MAN2A1: variants seen among roughly 807,000 people sequenced by gnomAD.
The protein encoded by MAN2A1 is mannosidase alpha class 2A member 1, also known as alpha-mannosidase 2.
MAN2A1 carries 76 observed loss-of-function variants against 142.6 expected under a neutral mutation model. The ratio of observed to expected loss-of-function variants is 0.53; its 90% confidence interval spans 0.44 to 0.65. MAN2A1 has a LOEUF of 0.65. MAN2A1 is among the 30% of genes least tolerant of loss of function. The pLI, the probability that MAN2A1 is intolerant of heterozygous loss-of-function variation, is 0.00. For synonymous variants in MAN2A1, 559 were observed against 473.2 expected (o/e 1.18, Z -2.35); for missense variants, 1,311 against 1,365.1 (o/e 0.96, Z 0.62).
intron 16 of MAN2A1, among the ~76,000 whole-genome samples, chr5:109,826,480 C>T (rs780054382): frequency 2.2e-4 from 34 of 152,156 alleles, no homozygotes; most frequent in Non-Finnish European, 4.4e-4. Context: ...ACCAGAATCA[C>T]CTGAAATGCT....
intron 3 of MAN2A1, among the ~76,000 whole-genome samples, chr5:109,725,092 A>C (rs1185505748): frequency 1.3e-5 from 2 of 152,166 alleles, no homozygotes; most frequent in Non-Finnish European, 2.9e-5. Context: ...CCTGCTTCTA[A>C]AATTTGCAGG....
chr5:109,730,983 G>A (rs1751888925), intron 4 of MAN2A1, among the ~76,000 whole-genome samples: 1 of 152,028 alleles, frequency 6.6e-6, no homozygotes, highest in Non-Finnish European at 1.5e-5. Context: ...TTGTTTCATG[G>A]ACTTTTCTGT....
At chr5:109,748,543 C>T (rs1427843742) in intron 4 of MAN2A1, among the ~76,000 whole-genome samples, 1 of 152,048 alleles carries the variant, frequency 6.6e-6, no homozygotes, top group African/African-American at 2.4e-5. Flanking sequence ...AGATAGTAGA[C>T]ATACAAATAT....
At chr5:109,744,493 G>A (rs1456969322) in intron 4 of MAN2A1, among the ~76,000 whole-genome samples, 2 of 152,016 alleles carry the variant, frequency 1.3e-5, no homozygotes, top group Non-Finnish European at 2.9e-5. Flanking sequence ...GGGGAGGGTG[G>A]GCAGCGAGGG....
At chr5:109,840,405 C>T (rs1223700924) in intron 16 of MAN2A1, 2 of 411,046 alleles carry the variant, frequency 4.9e-6, no homozygotes, top group South Asian at 2.1e-5. Context: ...GTAATGATTC[C>T]TCCTACAGGT....
intron 5 of MAN2A1, among the ~76,000 whole-genome samples, chr5:109,763,992 G>A (rs1004304072): frequency 6.6e-6 from 1 of 151,730 alleles, no homozygotes; most frequent in African/African-American, 2.4e-5. Flanking sequence ...ATAGAGACAG[G>A]GTTTTACCAT....
At chr5:109,781,737 G>T (rs184544087) in intron 9 of MAN2A1, 139 bp downstream of exon 9, 60 of 459,286 alleles carry the variant, frequency 1.3e-4, no homozygotes, top group Admixed American at 3.0e-4. Flanking sequence ...TAGTGTAATT[G>T]TGAAATTTTA....
rs138693939 is a variant in MAN2A1 at position 109,816,212 on chromosome 5, C to T, written c.1944-1061C>T. On this transcript the variant is annotated intron_variant, in intron 12 of 21. Transcript: ENST00000261483. The stretch of plus-strand genomic sequence containing the variant: ...GAGAGGATTTTAGGAAAAATAAAGT[C>T]CTTAAATATTTTTTCAAATATAGTT... 1.7e-3 allele frequency among the ~76,000 whole-genome samples: 265 copies of T among 152,066 alleles called. 1 individual carries two copies. The highest frequency in any genetic ancestry group is 0.014 in the Middle Eastern group (4 of 294).
chr5:109,846,996 G>A (rs1755359713), intron 18 of MAN2A1, among the ~76,000 whole-genome samples: 1 of 126,370 alleles, frequency 7.9e-6, no homozygotes. Flanking sequence ...GCCCAGTGTT[G>A]CTAAATTCAA....
At chr5:109,772,758 C>T (rs998176225) in intron 7 of MAN2A1, among the ~76,000 whole-genome samples, 1 of 152,136 alleles carries the variant, frequency 6.6e-6, no homozygotes, top group Admixed American at 6.5e-5. Context: ...GATCCTCCTG[C>T]CTCGCCCTCC....
intron 15 of MAN2A1, among the ~76,000 whole-genome samples, chr5:109,822,679 A>C (rs933231637): frequency 6.6e-6 from 1 of 152,050 alleles, no homozygotes; most frequent in African/African-American, 2.4e-5. Flanking sequence ...TTCTGAAAAA[A>C]AAATTTTTTT....
intron 20 of MAN2A1, chr5:109,864,343 A>C (rs1304060132): frequency 6.6e-6 from 1 of 152,246 alleles, no homozygotes; most frequent in Non-Finnish European, 1.5e-5. Flanking sequence ...AATGGATATG[A>C]GAAATTTTAT....
At chr5:109,762,716 G>A (rs1412086815) in intron 5 of MAN2A1, among the ~76,000 whole-genome samples, 1 of 152,136 alleles carries the variant, frequency 6.6e-6, no homozygotes, top group East Asian at 1.9e-4. Flanking sequence ...CTTAGCATGT[G>A]ATATGAGGTA....
In MAN2A1 at chr5:109,771,356, C is replaced by G. The variant is rs991603047; in HGVS notation, c.1196+815C>G. On this transcript the variant is annotated intron_variant, in intron 7 of 21. Transcript: ENST00000261483. ...ATCAGTTTATTTTCAAAAGAGAAGT[C>G]ACTTAAAAAAAAGTGTGTGAGGAAG... 2.0e-5 allele frequency among the ~76,000 whole-genome samples: 3 copies of G among 151,908 alleles called. No homozygotes were observed. In the East Asian group the frequency reaches 5.8e-4, roughly 29 times the overall value.
intron 8 of MAN2A1, among the ~76,000 whole-genome samples, chr5:109,780,300 C>T (rs1048459981): frequency 1.3e-5 from 2 of 152,020 alleles, no homozygotes; most frequent in African/African-American, 4.8e-5. Context: ...ACCTCATGAT[C>T]CACCCGCCTC....
chr5:109,821,630 A>G (rs1754626031), intron 15 of MAN2A1, among the ~76,000 whole-genome samples: 1 of 152,156 alleles, frequency 6.6e-6, no homozygotes, highest in South Asian at 2.1e-4. Flanking sequence ...AAGTTAGTAG[A>G]AAAATATTTT....
At chr5:109,818,403 C>T (rs1397642471) in intron 13 of MAN2A1, among the ~76,000 whole-genome samples, 1 of 152,032 alleles carries the variant, frequency 6.6e-6, no homozygotes, top group Non-Finnish European at 1.5e-5. Flanking sequence ...CTTAAATATG[C>T]ATCATCTTTT....
chr5:109,804,061 C>T (rs967483459), intron 12 of MAN2A1: 23 of 499,142 alleles, frequency 4.6e-5, no homozygotes, highest in African/African-American at 6.3e-5. Context: ...TAATTATTAA[C>T]CCAAAGCAGT....
At chr5:109,854,035 A>G (rs912496045) in intron 19 of MAN2A1, 1 of 152,126 alleles carries the variant, frequency 6.6e-6, no homozygotes, top group Non-Finnish European at 1.5e-5. Flanking sequence ...TGACATTCTG[A>G]ATTTTAAGCT....
Sources: allele counts gnomAD v4.1 joint callset (sites outside exome capture counted in the v4.1 genomes callset), GRCh38; gene constraint gnomAD v4.1.1; transcripts MANE v1.5; gene names NCBI Gene and HGNC (gene_info 2026-07-23, HGNC 2026-07-21).